The following GFI1B variants were observed in gnomAD, a reference collection of about 807,000 sequenced individuals.
The protein encoded by GFI1B is zinc finger protein Gfi-1b.
A neutral mutation model predicts 35.3 loss-of-function variants in GFI1B; 20 were observed. The ratio of observed to expected loss-of-function variants is 0.57; its 90% CI spans 0.40 to 0.82. The LOEUF (loss-of-function observed/expected upper bound fraction) is 0.82, where lower values mean the gene tolerates loss of function less well. GFI1B is among the 40% of genes least tolerant of loss of function. The probability of loss-of-function intolerance (pLI) is 0.00; values close to 1 mark genes in which losing one functional copy is unlikely to be tolerated. For missense variants in GFI1B, 430 were observed against 446.3 expected, an observed-to-expected ratio of 0.96 and a Z score of 0.33; for synonymous variants, 178 against 177.6, an observed-to-expected ratio of 1.00 and a Z score of -0.02.
At chr9:132,984,783 C>T (rs940746679) in intron 1 of GFI1B, among the ~76,000 whole-genome samples, 3 of 152,184 alleles carry the variant, frequency 2.0e-5, no homozygotes, top group African/African-American at 7.2e-5. Flanking sequence ...CTGTGCAGAG[C>T]CCCCAGTCCA....
Position 132,989,327 on chromosome 9 carries a change from A to G in GFI1B, c.648+129A>G. The G allele has an allele frequency of 2.3e-6, 2 of 861,942 alleles. No individual in the cohort carries two copies. Among genetic ancestry groups the G allele is most frequent in the Admixed American group, 3.9e-5 (2 of 51,214 alleles). 53.4% of individuals were successfully genotyped at this position (861,942 alleles called of 1,614,324 possible). Reference sequence around the variant, plus strand: ...TGACACAGATTGGGAGGGGTCCCCTAGTACCCACCTCCCTGGGTCTGGGTC... The same window carrying G: ...TGACACAGATTGGGAGGGGTCCCCTGGTACCCACCTCCCTGGGTCTGGGTC... On this transcript the variant is annotated intron_variant, in intron 5 of 6. Transcript: ENST00000372122. This position sits in a 1 kb window ranked among gnomAD's most constrained non-coding sequence, Gnocchi z 6.2.
chr9:132,992,707 C>T (rs897443915), downstream of GFI1B, among the ~76,000 whole-genome samples: 2 of 152,098 alleles, frequency 1.3e-5, no homozygotes, highest in Admixed American at 6.6e-5. Flanking sequence ...CCTCTGATAC[C>T]GAGCAACTCA....
chr9:132,976,251 G>A (rs1055143757), upstream of GFI1B, among the ~76,000 whole-genome samples: 3 of 152,066 alleles, frequency 2.0e-5, no homozygotes, highest in Non-Finnish European at 4.4e-5. Flanking sequence ...GTCAATAAAG[G>A]CTGCAAACGA....
intron 1 of GFI1B, among the ~76,000 whole-genome samples, chr9:132,956,302 T>C (rs1848282816): frequency 1.3e-5 from 2 of 150,068 alleles, no homozygotes; most frequent in Admixed American, 1.3e-4. Context: ...CTTTTGTTAT[T>C]ATTTTTTTTT....
At position 132,989,347 on chromosome 9, in the gene GFI1B, T is replaced by C; in HGVS notation, c.648+149T>C. 1 of 758,764 alleles carries C rather than the reference T, an allele frequency of 1.3e-6. No individual in the cohort carries two copies. Among genetic ancestry groups the C allele is most frequent in the Non-Finnish European group, 2.3e-6 (1 of 440,938 alleles). The allele number at this position is 758,764 out of a possible 1,614,324, so 47.0% of individuals were successfully genotyped here. On this transcript the variant is annotated intron_variant, in intron 5 of 6. Coordinates refer to ENST00000372122, the MANE Select transcript of GFI1B (RefSeq NM_001377304.1). This position sits in a 1 kb window ranked among gnomAD's most constrained non-coding sequence, Gnocchi z 6.2. ...CCCCTAGTACCCACCTCCCTGGGTC[T>C]GGGTCTCCAACACCTGCCCTTAACA...
At chr9:132,986,615 G>T in intron 1 of GFI1B, 44 bp from the exon 2 acceptor site, 1 of 966,168 alleles carries the variant, frequency 1.0e-6, no homozygotes, top group Non-Finnish European at 1.6e-6. Context: ...GAGGGGTATT[G>T]TTCTCTTGTC....
At position 132,986,685 on chromosome 9, in the gene GFI1B, C is replaced by A; in HGVS notation, c.7C>A (p.Arg3Ser). 6.2e-7 allele frequency: 1 copy of A among 1,608,324 alleles called. No individual in the cohort carries two copies. The change falls in exon 2 of 7, where the codon CGC becomes AGC. Residue 3 changes from arginine (R) to serine (S), a missense_variant. Transcript: ENST00000372122. ...TGTGGGGTGCACACTGAAAATGCCA[C>A]GCTCCTTCCTGGTGAAGAGCAAGAA... The part of the protein sequence containing the change: MP[R>S]SFLVKSKKAH...
In GFI1B at chr9:132,972,400, C is replaced by T. The variant is rs190758326; in HGVS notation, c.-700-325C>T. Reference sequence around the variant, plus strand: ...TTGCACCACTGCACTCCAGCCTGGGCAACAGAGCTAGACTCCGTTTCAAAA... The same window carrying T: ...TTGCACCACTGCACTCCAGCCTGGGTAACAGAGCTAGACTCCGTTTCAAAA... On this transcript the variant is annotated intron_variant, in intron 1 of 10. Transcript: ENST00000339463. Among the ~76,000 whole-genome samples the T allele has an allele frequency of 7.3e-3, 1,118 of 152,200 alleles. 14 individuals carry two copies. Among genetic ancestry groups the T allele is most frequent in the African/African-American group, 0.024 (1,002 of 41,536 alleles).
At chr9:132,988,980 G>T in intron 4 of GFI1B, 81 bp from the exon 5 acceptor site, 1 of 1,355,412 alleles carries the variant, frequency 7.4e-7, no homozygotes, top group Non-Finnish European at 1.1e-6. Context: ...CCAGAGCTGG[G>T]CATGGAAGAG....
In GFI1B at chr9:132,947,427, A is replaced by G. The variant is rs765913198; in HGVS notation, c.-701+1758A>G. Among the ~76,000 whole-genome samples, 798 of 94,420 alleles carry G rather than the reference A, an allele frequency of 8.5e-3. 10 individuals carry two copies. The highest frequency in any genetic ancestry group is 0.03 in the African/African-American group (750 of 24,690). The allele number at this position is 94,420 out of a possible 152,430, so 61.9% of individuals were successfully genotyped here. A position where few individuals can be genotyped will look rare whatever the true frequency, so the allele number is the denominator to read the frequency against. ...TTTAATCGAGCAAAAAAAAAAAAAA[A>G]AAAGAAAGAAAAAGAGAATTCATGA... On this transcript the variant is annotated intron_variant, in intron 1 of 10. Transcript: ENST00000339463.
At chr9:132,964,255 A>G (rs1246383562) in intron 1 of GFI1B, among the ~76,000 whole-genome samples, 2 of 152,204 alleles carry the variant, frequency 1.3e-5, no homozygotes, top group Non-Finnish European at 2.9e-5. Context: ...TAAATAAATT[A>G]ATTAAATAAA....
Position 132,989,420 on chromosome 9 carries a change from G to C in GFI1B, c.648+222G>C, listed in dbSNP as rs563796459. ...CACCGTGCAGACCACAACCATCCCTGCCTCAAGGAACTCACTCTAGGTTAA... is the reference window on the plus strand; with the variant it reads ...CACCGTGCAGACCACAACCATCCCTCCCTCAAGGAACTCACTCTAGGTTAA... On this transcript the variant is annotated intron_variant, in intron 5 of 6. Coordinates refer to ENST00000372122, the MANE Select transcript of GFI1B (RefSeq NM_001377304.1). This position sits in a 1 kb window ranked among gnomAD's most constrained non-coding sequence, Gnocchi z 6.2. 1.1e-4 allele frequency among the ~76,000 whole-genome samples: 16 copies of C among 152,306 alleles called. No homozygotes were observed. Among genetic ancestry groups the C allele is most frequent in the Non-Finnish European group, 2.1e-4 (14 of 68,034 alleles).
chr9:132,976,972 C>T (rs2132617066), upstream of GFI1B, among the ~76,000 whole-genome samples: 2 of 152,100 alleles, frequency 1.3e-5, no homozygotes, highest in South Asian at 4.1e-4. Flanking sequence ...TAATAATTTT[C>T]TTGAGACAGA....
chr9:132,979,457 T>C (rs1370787928), intron 1 of GFI1B, among the ~76,000 whole-genome samples: 1 of 152,136 alleles, frequency 6.6e-6, no homozygotes, highest in Non-Finnish European at 1.5e-5. Context: ...CAGGCTGGTC[T>C]CGAACTCTTG....
chr9:132,989,195 C>G lies in GFI1B; in HGVS notation c.645C>G (p.Ser215=). The part of the protein sequence containing the change: ...VSLEQHTHVH[S]QERSFECRMC... The stretch of plus-strand genomic sequence containing the variant: ...TGGAGCAGCACACGCACGTCCACTC[C>G]CAGGTGGGCACCTGGCCCAGCGCAG... Residue 215 remains serine (S), a synonymous_variant, in exon 5 of 7, where the codon TCC becomes TCG. Coordinates refer to ENST00000372122, the MANE Select transcript of GFI1B (RefSeq NM_001377304.1). The surrounding 1 kb of genome is among the most constrained non-coding windows in gnomAD (Gnocchi z 6.2). The G allele has an allele frequency of 1.2e-6, 2 of 1,612,632 alleles. No individual in the cohort carries two copies. The highest frequency in any genetic ancestry group is 1.7e-6 in the Non-Finnish European group (2 of 1,179,534).
chr9:132,990,990 A>T lies in GFI1B; in HGVS notation c.933A>T (p.Lys311Asn). The stretch of plus-strand genomic sequence containing the variant: ...CCTTCAGCTGTGAGCTGTGCACCAA[A>T]GGCTTCCAGCGCAAGGTGGACCTGC... The part of the protein sequence containing the change: ...FKPFSCELCT[K>N]GFQRKVDLRR... The change falls in exon 7 of 7, where the codon AAA becomes AAT. Residue 311 changes from lysine to asparagine, a missense_variant. Lys to Asn is a moderately conservative substitution (Grantham distance 94, BLOSUM62 0). Coordinates refer to ENST00000372122, the MANE Select transcript of GFI1B (RefSeq NM_001377304.1). The T allele has an allele frequency of 1.9e-6, 3 of 1,614,162 alleles. 1 individual carries two copies. The East Asian group carries it at 6.7e-5, about 36-fold the overall frequency.
chr9:132,959,094 G>C (rs1285260616), intron 1 of GFI1B, among the ~76,000 whole-genome samples: 2 of 152,176 alleles, frequency 1.3e-5, no homozygotes, highest in Non-Finnish European at 2.9e-5. Context: ...CAGCTCAGAA[G>C]GTTCCCAGGA....
intron 1 of GFI1B, chr9:132,951,410 C>T (rs188974224): frequency 3.9e-5 from 6 of 152,414 alleles, no homozygotes; most frequent in African/African-American, 1.4e-4. Flanking sequence ...CAGTGGAGGA[C>T]ATTGGCCCGA....
At chr9:132,965,989 CTTAAAA>C (rs1305041678) in intron 1 of GFI1B, among the ~76,000 whole-genome samples, 1 of 152,196 alleles carries the variant, frequency 6.6e-6, no homozygotes, top group Non-Finnish European at 1.5e-5. Flanking sequence ...TATCCTGGAA[CTTAAAA>C]TTAAATTAAA....
Sources: gnomAD v4.1 joint callset for allele counts (sites outside exome capture counted in the v4.1 genomes callset) on GRCh38, gnomAD v4.1.1 for gene constraint, Gnocchi (gnomAD v3.1) non-coding constraint, MANE v1.5 for transcripts, NCBI Gene and HGNC (gene_info 2026-07-23, HGNC 2026-07-21) for gene names.